The following ASAH2B variants were observed in gnomAD, a reference collection of about 807,000 sequenced individuals.
ASAH2B encodes putative inactive neutral ceramidase B.
A neutral mutation model predicts 2.9 loss-of-function variants in ASAH2B; 1 was observed. The observed-to-expected ratio is 0.34, with a 90% confidence interval of 0.12 to 1.63. ASAH2B has a LOEUF of 1.63. ASAH2B is among the 40% of genes most tolerant of loss of function. ASAH2B has a pLI of 0.36. For synonymous variants in ASAH2B, 4 were observed against 13.3 expected (o/e 0.30, Z 1.52); for missense variants, 9 against 37.7 (o/e 0.24, Z 1.99).
intron 2 of ASAH2B, chr10:50,743,838 T>G (rs1240364128): frequency 6.6e-6 from 1 of 151,318 alleles, no homozygotes; most frequent in African/African-American, 2.5e-5. Flanking sequence ...AATTGTGGCA[T>G]AGCAAAGAAA....
chr10:50,744,342 C>G (rs1839875915), intron 2 of ASAH2B, among the ~76,000 whole-genome samples: 1 of 151,380 alleles, frequency 6.6e-6, no homozygotes, highest in Non-Finnish European at 1.5e-5. Flanking sequence ...CACCTTAAAA[C>G]TAGCTATGTG....
At chr10:50,743,133 A>G (rs1388590694) in intron 2 of ASAH2B, 123 bp downstream of exon 2, 5 of 975,516 alleles carry the variant, frequency 5.1e-6, no homozygotes, top group Non-Finnish European at 6.4e-6. Context: ...CAGTTTGACA[A>G]CCTTTATATT....
chr10:50,747,692 T>C (rs1265772981), intron 3 of ASAH2B, among the ~76,000 whole-genome samples: 1 of 151,836 alleles, frequency 6.6e-6, no homozygotes, highest in Non-Finnish European at 1.5e-5. Flanking sequence ...TTTGTTATTT[T>C]AATAAGGTAT....
intron 2 of ASAH2B, 90 bp downstream of exon 2, chr10:50,743,100 A>G (rs1392031961): frequency 7.4e-7 from 1 of 1,354,600 alleles, no homozygotes; most frequent in African/African-American, 1.4e-5. Flanking sequence ...GGGAAGTGAA[A>G]GAGAACCTTA....
intron 1 of ASAH2B, among the ~76,000 whole-genome samples, chr10:50,740,351 A>G (rs1839810167): frequency 6.6e-6 from 1 of 152,134 alleles, no homozygotes; most frequent in African/African-American, 2.4e-5. Context: ...ATAGTAGAGA[A>G]GCAACATAAC....
At chr10:50,747,144 T>G (rs900989368) in intron 3 of ASAH2B, among the ~76,000 whole-genome samples, 4 of 150,846 alleles carry the variant, frequency 2.7e-5, no homozygotes, top group Non-Finnish European at 5.9e-5. Flanking sequence ...GTTTCAGGTT[T>G]TATATTTAAA....
At position 50,756,740 on chromosome 10, in the gene ASAH2B, G is replaced by T. The variant is rs3802531; in HGVS notation, c.*2000G>T. ...GCTGTCATTTCTTCTAGGGCATGCA[G>T]TTCTATGTTCACAGTTCATGTGTAA... On this transcript the variant is annotated 3_prime_UTR_variant, in exon 6 of 6. Coordinates refer to ENST00000647317, the MANE Select transcript of ASAH2B (RefSeq NM_001321958.2). 0.32 allele frequency: 47,508 copies of T among 147,474 alleles called. 3,389 individuals carry two copies. Among genetic ancestry groups the T allele is most frequent in the Admixed American group, 0.46 (6,672 of 14,432 alleles). 9.1% of individuals were successfully genotyped at this position (147,474 alleles called of 1,614,324 possible). A position where few individuals can be genotyped will look rare whatever the true frequency, so the allele number is the denominator to read the frequency against.
At chr10:50,743,415 A>G (rs1839863231) in intron 2 of ASAH2B, among the ~76,000 whole-genome samples, 1 of 150,742 alleles carries the variant, frequency 6.6e-6, no homozygotes, top group African/African-American at 2.4e-5. Flanking sequence ...ACTCACTCCA[A>G]AAGTTGAGTA....
At chr10:50,746,245 A>T (rs952656503) in intron 3 of ASAH2B, among the ~76,000 whole-genome samples, 1 of 151,486 alleles carries the variant, frequency 6.6e-6, no homozygotes, top group Non-Finnish European at 1.5e-5. Context: ...AAGTGAGATC[A>T]TGTGGTATTT....
intron 1 of ASAH2B, among the ~76,000 whole-genome samples, chr10:50,740,469 T>C (rs1839812676): frequency 6.6e-6 from 1 of 152,176 alleles, no homozygotes; most frequent in Admixed American, 6.5e-5. Flanking sequence ...GACTTTCTGT[T>C]TCCGCTCGTG....
At chr10:50,753,118 G>C (rs1227876837) in intron 5 of ASAH2B, among the ~76,000 whole-genome samples, 1 of 148,988 alleles carries the variant, frequency 6.7e-6, no homozygotes, top group Non-Finnish European at 1.5e-5. Flanking sequence ...CCAAATTCCT[G>C]AGCTGAATAG....
chr10:50,743,004 T>C lies in ASAH2B; in HGVS notation c.-10T>C. 6.2e-7 allele frequency: 1 copy of C among 1,614,030 alleles called. No individual in the cohort carries two copies. The highest frequency in any genetic ancestry group is 1.1e-5 in the South Asian group (1 of 91,076). Reference sequence around the variant, plus strand: ...TCTTCAGAAACCTTGCTAAGGCTATTGCTACGGTAATCAAATATTGTTTGT... The same window carrying C: ...TCTTCAGAAACCTTGCTAAGGCTATCGCTACGGTAATCAAATATTGTTTGT... On this transcript the variant is annotated 5_prime_UTR_variant, in exon 2 of 6. Transcript: ENST00000647317.
intron 1 of ASAH2B, among the ~76,000 whole-genome samples, chr10:50,740,384 A>G (rs1839810739): frequency 6.6e-6 from 1 of 152,150 alleles, no homozygotes; most frequent in African/African-American, 2.4e-5. Context: ...ACAGCTATTC[A>G]GTTTCAAAGC....
chr10:50,757,066 T>TGGCTTCTTC lies in ASAH2B; in HGVS notation c.*2327_*2328insGCTTCTTCG, dbSNP rs1837108774. On this transcript the variant is annotated 3_prime_UTR_variant, in exon 6 of 6. Transcript: ENST00000647317. ...GCCTACTCTGGTTTTAAGGATTTTT[T>TGGCTTCTTC]GACTTCTTCGAAAAGCACTGAATAA... 6.6e-6 allele frequency: 1 copy of TGGCTTCTTC among 151,708 alleles called. No homozygotes were observed. Among genetic ancestry groups the TGGCTTCTTC allele is most frequent in the African/African-American group, 2.4e-5 (1 of 41,366 alleles). The allele number at this position is 151,708 out of a possible 1,614,324, so 9.4% of individuals were successfully genotyped here.
At position 50,754,872 on chromosome 10, in the gene ASAH2B, A is replaced by G. The variant is rs1404886740; in HGVS notation, c.*132A>G. 6 of 138,298 alleles carry G rather than the reference A, an allele frequency of 4.3e-5. No individual in the cohort carries two copies. The highest frequency in any genetic ancestry group is 8.2e-5 in the Non-Finnish European group (6 of 73,288). 8.6% of individuals were successfully genotyped at this position (138,298 alleles called of 1,614,324 possible). ...GTCCCTGTTTGGGGACAGATAGTTT[A>G]CTGCTAATGGGGTGGAGGGGTGTGT... On this transcript the variant is annotated 3_prime_UTR_variant, in exon 6 of 6. Transcript: ENST00000647317.
intron 4 of ASAH2B, among the ~76,000 whole-genome samples, chr10:50,751,465 C>T (rs1286894384): frequency 2.7e-5 from 4 of 150,010 alleles, no homozygotes; most frequent in African/African-American, 9.8e-5. Context: ...CTACTCTAGA[C>T]ATATTCAAAA....
intron 4 of ASAH2B, among the ~76,000 whole-genome samples, chr10:50,751,593 A>C (rs1185278413): frequency 6.6e-6 from 1 of 151,770 alleles, no homozygotes. Flanking sequence ...AATGTAATTC[A>C]TCAGTTGAAT....
intron 1 of ASAH2B, among the ~76,000 whole-genome samples, chr10:50,742,020 A>C (rs971910846): frequency 2.1e-4 from 32 of 152,220 alleles, no homozygotes; most frequent in Admixed American, 2.1e-3. Context: ...CTTATCAGGT[A>C]CTGTGCTTAT....
chr10:50,748,996 T>G (rs1839947237), intron 3 of ASAH2B, among the ~76,000 whole-genome samples: 1 of 151,830 alleles, frequency 6.6e-6, no homozygotes, highest in African/African-American at 2.4e-5. Context: ...GTGGAAAGTT[T>G]TGACTGTTCT....
Sources: allele counts gnomAD v4.1 joint callset (sites outside exome capture counted in the v4.1 genomes callset), GRCh38; gene constraint gnomAD v4.1.1; transcripts MANE v1.5; gene names NCBI Gene and HGNC (gene_info 2026-07-23, HGNC 2026-07-21).